The following PPFIA2 variants were observed in gnomAD, a reference collection of about 807,000 sequenced individuals.
PPFIA2 encodes liprin-alpha-2.
Under a neutral mutation model 175.5 loss-of-function variants are expected in PPFIA2, and 46 were observed. That is an observed-to-expected ratio of 0.26 (90% CI 0.21 to 0.34). PPFIA2 has a LOEUF of 0.34. PPFIA2 is among the 10% of genes least tolerant of loss of function. PPFIA2 has a pLI of 1.00. For synonymous variants in PPFIA2, 568 were observed against 511.4 expected, an observed-to-expected ratio of 1.11 and a Z score of -1.49; for missense variants, 1,179 against 1,506.1, an observed-to-expected ratio of 0.78 and a Z score of 3.60.
At chr12:81,741,635 ATT>A (rs11325864) in intron 3 of PPFIA2, among the ~76,000 whole-genome samples, 2,964 of 145,340 alleles carry the variant, frequency 0.02, 52 homozygotes, top group African/African-American at 0.055. Context: ...TTTTTTGGTG[ATT>A]TTTTTTTTTT....
At chr12:81,557,449 T>A (rs2153383306) in intron 4 of PPFIA2, among the ~76,000 whole-genome samples, 3 of 152,032 alleles carry the variant, frequency 2.0e-5, no homozygotes, top group Middle Eastern at 6.8e-3. Context: ...GGCATCCAAT[T>A]TCAAACTTAC....
At chr12:81,369,416 T>C in intron 11 of PPFIA2, 2 of 1,374,074 alleles carry the variant, frequency 1.5e-6, no homozygotes, top group African/African-American at 1.5e-5. Flanking sequence ...GAGTTATTTA[T>C]GAGCAATGAA....
intron 8 of PPFIA2, among the ~76,000 whole-genome samples, chr12:81,403,656 A>C (rs1596148916): frequency 6.6e-6 from 1 of 152,146 alleles, no homozygotes; most frequent in East Asian, 1.9e-4. Context: ...TGAGAAGCAA[A>C]ATGGCAGCAT....
rs1257762281 is a variant in PPFIA2 at position 81,301,346 on chromosome 12, C to T, written c.2643-1964G>A. Among the ~76,000 whole-genome samples, 3 of 152,216 alleles carry T rather than the reference C, an allele frequency of 2.0e-5. No homozygotes were observed. The East Asian group carries it at 5.8e-4, about 29-fold the overall frequency. On this transcript the variant is annotated intron_variant, in intron 22 of 32. Transcript: ENST00000549396. The stretch of plus-strand genomic sequence containing the variant: ...CATTAAAAGGGAAGAAATAAATTTA[C>T]ATTTACAATTAGTTTTTGCTTCACA...
intron 4 of PPFIA2, among the ~76,000 whole-genome samples, chr12:81,626,485 G>A (rs1245470948): frequency 6.6e-6 from 1 of 152,002 alleles, no homozygotes; most frequent in Non-Finnish European, 1.5e-5. Context: ...ATTAAGGCAT[G>A]TAACCAAATA....
intron 17 of PPFIA2, among the ~76,000 whole-genome samples, chr12:81,351,621 G>C (rs2060013925): frequency 6.6e-6 from 1 of 151,818 alleles, no homozygotes; most frequent in African/African-American, 2.4e-5. Flanking sequence ...TCTGAGGCTG[G>C]GTGTGGTAGC....
At chr12:81,393,781 G>C (rs1259229617) in intron 8 of PPFIA2, among the ~76,000 whole-genome samples, 1 of 152,058 alleles carries the variant, frequency 6.6e-6, no homozygotes, top group African/African-American at 2.4e-5. Flanking sequence ...CATGGAATCT[G>C]AAAGACCTTC....
chr12:81,683,625 A>G (rs1484161538), intron 3 of PPFIA2, among the ~76,000 whole-genome samples: 3 of 151,964 alleles, frequency 2.0e-5, no homozygotes, highest in Non-Finnish European at 2.9e-5. Context: ...CTCAGACACA[A>G]TGGCGTCCTT....
chr12:81,725,621 CTT>C (rs2079966920), intron 3 of PPFIA2, among the ~76,000 whole-genome samples: 1 of 150,222 alleles, frequency 6.7e-6, no homozygotes, highest in African/African-American at 2.4e-5. Context: ...AATATATAAA[CTT>C]AGAGAAAGTA....
intron 4 of PPFIA2, among the ~76,000 whole-genome samples, chr12:81,567,370 T>C (rs1050427593): frequency 1.2e-4 from 18 of 152,176 alleles, no homozygotes; most frequent in African/African-American, 4.3e-4. Flanking sequence ...TCTAGACCCT[T>C]ATAATTGATA....
intron 4 of PPFIA2, among the ~76,000 whole-genome samples, chr12:81,642,807 G>A (rs56875090): frequency 0.89 from 19,362 of 21,712 alleles, 8,971 homozygotes; most frequent in East Asian, 0.96. Flanking sequence ...ATGTATGTAT[G>A]TATTACATAC....
rs1452621722 is a variant in PPFIA2 at position 81,347,587 on chromosome 12, C to T, written c.2178G>A (p.Lys726=). 6.2e-7 allele frequency: 1 copy of T among 1,613,718 alleles called. No homozygotes were observed. Among genetic ancestry groups the T allele is most frequent in the Non-Finnish European group, 8.5e-7 (1 of 1,179,714 alleles). Residue 726 remains lysine (K), a synonymous_variant, in exon 18 of 33, where the codon AAG becomes AAA. Transcript: ENST00000549396. ...SSPPSGHSTP[K]LTPRSPAREM... ...CCCTGGCAGGGCTTCGAGGGGTGAG[C>T]TTTGGAGTTGAGTGTCCACTGGGGG... is the stretch of plus-strand genomic sequence containing the variant.
intron 4 of PPFIA2, among the ~76,000 whole-genome samples, chr12:81,643,136 C>T (rs1595928087): frequency 6.7e-6 from 1 of 149,252 alleles, no homozygotes; most frequent in African/African-American, 2.4e-5. Flanking sequence ...CATATATATC[C>T]AAATTACTTA....
intron 7 of PPFIA2, among the ~76,000 whole-genome samples, chr12:81,420,389 C>T (rs1417640159): frequency 1.3e-5 from 2 of 151,710 alleles, no homozygotes; most frequent in African/African-American, 2.4e-5. Flanking sequence ...TTTAAAGAAG[C>T]TCAGCAAGCT....
intron 21 of PPFIA2, 78 bp downstream of exon 21, chr12:81,339,102 A>G: frequency 8.1e-7 from 1 of 1,240,662 alleles, no homozygotes; most frequent in Non-Finnish European, 1.1e-6. Flanking sequence ...GAGCAATGAA[A>G]TGAAATGAAA....
At chr12:81,644,780 A>G (rs749098721) in intron 4 of PPFIA2, among the ~76,000 whole-genome samples, 1 of 152,128 alleles carries the variant, frequency 6.6e-6, no homozygotes, top group Non-Finnish European at 1.5e-5. Context: ...ATAGTGCTCA[A>G]TGATGATACA....
At chr12:81,386,063 C>T (rs188281182) in intron 8 of PPFIA2, among the ~76,000 whole-genome samples, 153 of 151,046 alleles carry the variant, frequency 1.0e-3, no homozygotes, top group African/African-American at 3.3e-3. Flanking sequence ...CTGCTTGAGG[C>T]GATGAATTTG....
chr12:81,467,789 GCT>G (rs1462971100), intron 4 of PPFIA2, among the ~76,000 whole-genome samples: 21 of 152,108 alleles, frequency 1.4e-4, no homozygotes, highest in Non-Finnish European at 2.9e-4. Context: ...GTTCTGAGAT[GCT>G]GTTTTGAGAG....
chr12:81,450,254 C>A (rs927342651), intron 5 of PPFIA2, among the ~76,000 whole-genome samples: 12 of 152,178 alleles, frequency 7.9e-5, no homozygotes, highest in African/African-American at 2.7e-4. Flanking sequence ...ACAGTCCCAC[C>A]AACAGTGCAA....
Sources: allele counts gnomAD v4.1 joint callset (sites outside exome capture counted in the v4.1 genomes callset), GRCh38; gene constraint gnomAD v4.1.1; transcripts MANE v1.5; gene names NCBI Gene and HGNC (gene_info 2026-07-23, HGNC 2026-07-21).